Variants in SGCZ observed in about 807,000 individuals in gnomAD.
SGCZ encodes sarcoglycan zeta, also known as zeta-sarcoglycan.
SGCZ carries 40 observed loss-of-function variants against 41.3 expected under a neutral mutation model. That is an observed-to-expected ratio of 0.97 (90% CI 0.75 to 1.26). SGCZ has a LOEUF of 1.26. Among genes scored for constraint, SGCZ ranks in the 50% most tolerant of loss-of-function variants. SGCZ has a pLI of 0.00. For missense variants in SGCZ, 552 were observed against 369.8 expected, an observed-to-expected ratio of 1.49 and a Z score of -4.04; for synonymous variants, 206 against 137.5, an observed-to-expected ratio of 1.50 and a Z score of -3.49.
chr8:14,546,773 C>A (rs1339443088), intron 2 of SGCZ, among the ~76,000 whole-genome samples: 2 of 151,962 alleles, frequency 1.3e-5, no homozygotes, highest in Non-Finnish European at 2.9e-5. Flanking sequence ...AGGAAGTAAA[C>A]CATTTTTTGA....
chr8:14,611,087 G>C (rs1805913325), intron 1 of SGCZ, among the ~76,000 whole-genome samples: 1 of 152,066 alleles, frequency 6.6e-6, no homozygotes, highest in Non-Finnish European at 1.5e-5. Context: ...TAATCAGCTG[G>C]ATAGAGATTC....
At position 14,883,771 on chromosome 8, in the gene SGCZ, C is replaced by CTGT. The variant is rs1316646463; in HGVS notation, c.40-328848_40-328846dup. Among the ~76,000 whole-genome samples, 391 of 136,194 alleles carry CTGT rather than the reference C, an allele frequency of 2.9e-3. 3 individuals carry two copies. The highest frequency in any genetic ancestry group is 0.011 in the African/African-American group (377 of 35,146). 89.3% of individuals were successfully genotyped at this position (136,194 alleles called of 152,430 possible). A position where few individuals can be genotyped will look rare whatever the true frequency, so the allele number is the denominator to read the frequency against. On this transcript the variant is annotated intron_variant, in intron 1 of 7. Transcript: ENST00000382080. ...CCTTATAGCTATCTTTGCTGGCATC[C>CTGT]TGTTGTTTTTTTTTTTTTTTTTTTT... is the stretch of plus-strand genomic sequence containing the variant.
intron 5 of SGCZ, among the ~76,000 whole-genome samples, chr8:14,127,544 C>T (rs371481074): frequency 1.4e-4 from 22 of 152,148 alleles, no homozygotes; most frequent in African/African-American, 5.3e-4. Context: ...CATCCTCCGC[C>T]TCCCGGGTTC....
intron 2 of SGCZ, among the ~76,000 whole-genome samples, chr8:14,334,449 G>C (rs1274812047): frequency 6.6e-6 from 1 of 152,034 alleles, no homozygotes; most frequent in African/African-American, 2.4e-5. Flanking sequence ...CACAAGTCCA[G>C]TCCTCTCACT....
chr8:14,555,734 T>C (rs1281894527), intron 1 of SGCZ, among the ~76,000 whole-genome samples: 1 of 152,060 alleles, frequency 6.6e-6, no homozygotes, highest in Non-Finnish European at 1.5e-5. Flanking sequence ...TACCTTTCTC[T>C]AAAAATGCAG....
chr8:14,558,911 C>T (rs1486673337), intron 1 of SGCZ, among the ~76,000 whole-genome samples: 1 of 152,038 alleles, frequency 6.6e-6, no homozygotes. Flanking sequence ...GCAAAAAACA[C>T]ATCTGACAAA....
At chr8:14,864,468 C>A (rs1038828828) in intron 1 of SGCZ, among the ~76,000 whole-genome samples, 1 of 152,126 alleles carries the variant, frequency 6.6e-6, no homozygotes, top group African/African-American at 2.4e-5. Flanking sequence ...TAGCATATAA[C>A]ATACAATCTT....
At chr8:15,013,381 C>G (rs1433553522) in intron 1 of SGCZ, among the ~76,000 whole-genome samples, 1 of 152,116 alleles carries the variant, frequency 6.6e-6, no homozygotes, top group African/African-American at 2.4e-5. Flanking sequence ...TATTTTATTC[C>G]CATGAATTGA....
At chr8:15,084,655 G>C (rs898912753) in intron 1 of SGCZ, among the ~76,000 whole-genome samples, 1 of 152,122 alleles carries the variant, frequency 6.6e-6, no homozygotes, top group Non-Finnish European at 1.5e-5. Flanking sequence ...GGAAGGTTGA[G>C]GCAGGAGAAT....
intron 1 of SGCZ, among the ~76,000 whole-genome samples, chr8:14,711,075 G>C (rs17120133): frequency 0.31 from 46,517 of 151,876 alleles, 7,623 homozygotes; most frequent in African/African-American, 0.41. Context: ...AGATGGAAAA[G>C]CTTATGCTTA....
At chr8:14,831,116 C>T (rs1395569549) in intron 1 of SGCZ, among the ~76,000 whole-genome samples, 1 of 152,154 alleles carries the variant, frequency 6.6e-6, no homozygotes, top group Non-Finnish European at 1.5e-5. Context: ...CCTAATATGA[C>T]TCTCTTCCAA....
chr8:14,113,351 T>C (rs558011035), intron 5 of SGCZ, among the ~76,000 whole-genome samples: 2 of 152,288 alleles, frequency 1.3e-5, no homozygotes, highest in Middle Eastern at 3.4e-3. Context: ...CTGCCTGTAG[T>C]ACTTGTCTTT....
Position 14,291,902 on chromosome 8 carries a change from G to A in SGCZ, c.336+32201C>T, listed in dbSNP as rs375692571. Among the ~76,000 whole-genome samples the A allele has an allele frequency of 5.3e-5, 8 of 151,798 alleles. No individual in the cohort carries two copies. The East Asian group carries it at 1.2e-3, about 22-fold the overall frequency. On this transcript the variant is annotated intron_variant, in intron 3 of 7. Transcript: ENST00000382080. Reference sequence around the variant, plus strand: ...AAACAGAAATTTTACTCTATGATTCGCATTCTGAGTTTCTGTCTAAAAGCC... The same window carrying A: ...AAACAGAAATTTTACTCTATGATTCACATTCTGAGTTTCTGTCTAAAAGCC...
intron 4 of SGCZ, among the ~76,000 whole-genome samples, chr8:14,236,370 T>C (rs1806761384): frequency 6.6e-6 from 1 of 152,132 alleles, no homozygotes; most frequent in Non-Finnish European, 1.5e-5. Context: ...AGCAAAGCAA[T>C]TTTTACAAAT....
At chr8:14,326,111 C>CAAAAAAGAAAAAAAAA (rs1802101592) in intron 2 of SGCZ, among the ~76,000 whole-genome samples, 1 of 37,904 alleles carries the variant, frequency 2.6e-5, no homozygotes, top group Admixed American at 5.6e-4. Flanking sequence ...GACTCCGTCT[C>CAAAAAAGAAAAAAAAA]AAAAAAAAAA....
At chr8:14,444,426 T>C (rs1800369693) in intron 2 of SGCZ, among the ~76,000 whole-genome samples, 1 of 151,978 alleles carries the variant, frequency 6.6e-6, no homozygotes, top group Non-Finnish European at 1.5e-5. Context: ...TGTCCAACAA[T>C]GATAGACTGG....
At chr8:15,155,823 T>G (rs79083081) in intron 1 of SGCZ, among the ~76,000 whole-genome samples, 1 of 151,868 alleles carries the variant, frequency 6.6e-6, no homozygotes, top group African/African-American at 2.4e-5. Context: ...TTTGGGAGTC[T>G]GAGGCAGGTG....
chr8:14,697,405 A>T (rs1808998977), intron 1 of SGCZ, among the ~76,000 whole-genome samples: 1 of 152,100 alleles, frequency 6.6e-6, no homozygotes, highest in Non-Finnish European at 1.5e-5. Context: ...GTACATGGAA[A>T]TACATCTAAT....
intron 1 of SGCZ, among the ~76,000 whole-genome samples, chr8:14,787,974 A>G (rs1434026614): frequency 6.6e-6 from 1 of 152,158 alleles, no homozygotes. Flanking sequence ...AAATATATTA[A>G]ATATATCAGA....
Sources: allele counts gnomAD v4.1 joint callset (sites outside exome capture counted in the v4.1 genomes callset), GRCh38; gene constraint gnomAD v4.1.1; transcripts MANE v1.5; gene names NCBI Gene and HGNC (gene_info 2026-07-23, HGNC 2026-07-21).